Variants in ESPNL observed in about 807,000 individuals in gnomAD.
The protein encoded by ESPNL is espin-like protein.
In ESPNL, 49 loss-of-function variants were observed where a neutral mutation model predicts 46.8. The ratio of observed to expected loss-of-function variants is 1.05; its 90% CI spans 0.83 to 1.33. The LOEUF (loss-of-function observed/expected upper bound fraction) is 1.33. Among genes scored for constraint, ESPNL ranks in the 40% most tolerant of loss-of-function variants. ESPNL has a pLI of 0.00. For synonymous variants in ESPNL, 664 were observed against 662.1 expected (o/e 1.00, Z -0.04); for missense variants, 1,540 against 1,436.6 (o/e 1.07, Z -1.16).
chr2:238,102,490 C>A (rs1158102734), intron 2 of ESPNL, among the ~76,000 whole-genome samples: 5 of 152,166 alleles, frequency 3.3e-5, no homozygotes, highest in Admixed American at 1.3e-4. Context: ...CAGCTGGCAA[C>A]CTGTGAGGGC....
At position 238,107,953 on chromosome 2, in the gene ESPNL, G is replaced by A; in HGVS notation, c.835G>A (p.Ala279Thr). 1 of 1,612,494 alleles carries A rather than the reference G, an allele frequency of 6.2e-7. No individual in the cohort carries two copies. The highest frequency in any genetic ancestry group is 1.3e-5 in the African/African-American group (1 of 75,062). The change falls in exon 4 of 9, where the codon GCA (alanine) becomes ACA (threonine). Residue 279 changes from alanine to threonine, a missense_variant. Transcript: ENST00000343063. Reference sequence around the variant, plus strand: ...GGGTGGGACCCCCCTCCACGACGCAGCAGAGAACGGGCAGATGGAGGTAAG... The same window carrying A: ...GGGTGGGACCCCCCTCCACGACGCAACAGAGAACGGGCAGATGGAGGTAAG... ...SWGGTPLHDAAENGQMECCQT... is the reference protein window; with the variant it reads ...SWGGTPLHDATENGQMECCQT...
At chr2:238,116,687 A>G (rs1421473240) in intron 4 of ESPNL, among the ~76,000 whole-genome samples, 2 of 152,148 alleles carry the variant, frequency 1.3e-5, no homozygotes, top group Non-Finnish European at 2.9e-5. Context: ...AGTGCCTGGT[A>G]CTGTCTGGGC....
chr2:238,123,910 G>A lies in ESPNL; in HGVS notation c.988-1360G>A, dbSNP rs571567982. ...TGAGGGTCCTGGAGGGGAGGTGGCC[G>A]AGGGGCCACCCAGCATCCTTGCTGG... is the stretch of plus-strand genomic sequence containing the variant. On this transcript the variant is annotated intron_variant, in intron 5 of 8. Transcript: ENST00000343063. Among the ~76,000 whole-genome samples, 710 of 152,232 alleles carry A rather than the reference G, an allele frequency of 4.7e-3. 9 individuals carry two copies. Among genetic ancestry groups the A allele is most frequent in the Non-Finnish European group, 6.0e-3 (405 of 67,984 alleles).
intron 2 of ESPNL, among the ~76,000 whole-genome samples, chr2:238,103,858 G>A (rs1691538633): frequency 6.6e-6 from 1 of 152,178 alleles, no homozygotes; most frequent in Non-Finnish European, 1.5e-5. Context: ...TGTCCCCCTT[G>A]CTAGGAGCAG....
intron 6 of ESPNL, among the ~76,000 whole-genome samples, chr2:238,125,960 T>C (rs1257265239): frequency 6.6e-6 from 1 of 151,956 alleles, no homozygotes; most frequent in Non-Finnish European, 1.5e-5. Flanking sequence ...CGGGGACCCT[T>C]CTCTGTGTGT....
chr2:238,117,188 A>G (rs2106470518), intron 5 of ESPNL, among the ~76,000 whole-genome samples, 154 bp downstream of exon 5: 1 of 152,336 alleles, frequency 6.6e-6, no homozygotes, highest in Admixed American at 6.5e-5. Context: ...GGGCCTGGGC[A>G]GGACTGAGGC....
chr2:238,123,774 G>A (rs73100324), intron 5 of ESPNL, among the ~76,000 whole-genome samples: 2,409 of 152,316 alleles, frequency 0.016, 61 homozygotes, highest in African/African-American at 0.054. Flanking sequence ...CCAGCCCACC[G>A]CGCACCAGGG....
intron 5 of ESPNL, among the ~76,000 whole-genome samples, chr2:238,118,837 G>GAAA (rs1490237925): frequency 4.2e-4 from 54 of 129,056 alleles, no homozygotes; most frequent in African/African-American, 7.5e-4. Context: ...ATGGAGGAGG[G>GAAA]TGGAAGGAAG....
intron 3 of ESPNL, among the ~76,000 whole-genome samples, chr2:238,105,061 TC>T (rs1303514806): frequency 6.6e-6 from 1 of 151,816 alleles, no homozygotes; most frequent in Non-Finnish European, 1.5e-5. Context: ...CTCTGTGGGG[TC>T]GTGCCACGGC....
Position 238,104,742 on chromosome 2 carries a change from T to C in ESPNL, c.572T>C (p.Val191Ala), listed in dbSNP as rs745587704. 10 of 1,608,350 alleles carry C rather than the reference T, an allele frequency of 6.2e-6. No homozygotes were observed. The East Asian group carries it at 2.2e-4, about 36-fold the overall frequency. The change falls in exon 3 of 9, where the codon GTG (valine) becomes GCG (alanine). Residue 191 changes from valine (V) to alanine (A), a missense_variant. Physicochemically the swap from Val to Ala is moderately conservative, Grantham distance 64 (BLOSUM62 0). Transcript: ENST00000343063. ...CACCTGCACCTGGCCCAGTTCCTGGTGAAGGACTGTGGCGCTGACGTGCAC... is the reference window on the plus strand; with the variant it reads ...CACCTGCACCTGGCCCAGTTCCTGGCGAAGGACTGTGGCGCTGACGTGCAC... ...EGHLHLAQFL[V>A]KDCGADVHLR...
At position 238,130,309 on chromosome 2, in the gene ESPNL, G is replaced by T. The variant is rs145050018; in HGVS notation, c.1595G>T (p.Arg532Leu). 2 of 1,606,640 alleles carry T rather than the reference G, an allele frequency of 1.2e-6. No homozygotes were observed. Among genetic ancestry groups the T allele is most frequent in the Non-Finnish European group, 1.7e-6 (2 of 1,177,164 alleles). ...CAGGAGTATGAGAGTGAGCTGGGCCGGTTGGCGGCTGAGCTGCAGGCCCTG... is the reference window on the plus strand; with the variant it reads ...CAGGAGTATGAGAGTGAGCTGGGCCTGTTGGCGGCTGAGCTGCAGGCCCTG... ...RCQEYESELG[R>L]LAAELQALLP... The change falls in exon 9 of 9, where the codon CGG becomes CTG. Residue 532 changes from arginine to leucine, a missense_variant. Arg to Leu is a moderately radical substitution (Grantham distance 102). Transcript: ENST00000343063.
chr2:238,101,363 G>A (rs114735717), intron 1 of ESPNL, among the ~76,000 whole-genome samples: 3 of 152,302 alleles, frequency 2.0e-5, no homozygotes, highest in South Asian at 2.1e-4. Context: ...CACCTGGCTC[G>A]CCAGAGCACC....
intron 5 of ESPNL, among the ~76,000 whole-genome samples, chr2:238,117,816 G>T (rs1166748735): frequency 6.6e-6 from 1 of 152,196 alleles, no homozygotes; most frequent in Non-Finnish European, 1.5e-5. Context: ...AGACAGAGGA[G>T]GAATGAATGG....
chr2:238,123,960 A>G (rs1372506133), intron 5 of ESPNL, among the ~76,000 whole-genome samples: 1 of 152,172 alleles, frequency 6.6e-6, no homozygotes, highest in Non-Finnish European at 1.5e-5. Context: ...CACCTTGTCC[A>G]TGAGCAAGGG....
chr2:238,105,920 C>T (rs1691586584), intron 3 of ESPNL, among the ~76,000 whole-genome samples: 1 of 152,162 alleles, frequency 6.6e-6, no homozygotes, highest in African/African-American at 2.4e-5. Context: ...TCCAGCAAGC[C>T]AGGCTGGCTC....
rs73102306 is a variant in ESPNL, at chr2:238,131,138, G to A, written c.2424G>A (p.Leu808=). The stretch of plus-strand genomic sequence containing the variant: ...AGCGCAGCACCATCACCCACCTGCT[G>A]GGCAACTGGAAGGCCATCATGGCTC... ...WQQRSTITHL[L]GNWKAIMAHV... is the part of the protein sequence containing the mutation. The change falls in exon 9 of 9, where the codon CTG becomes CTA. Residue 808 remains leucine (L), a synonymous_variant. Coordinates refer to ENST00000343063, the MANE Select transcript of ESPNL (RefSeq NM_194312.4). The A allele has an allele frequency of 0.09, 139,346 of 1,546,056 alleles. 6,785 individuals carry two copies. Among genetic ancestry groups the A allele is most frequent in the South Asian group, 0.14 (11,365 of 84,170 alleles).
At chr2:238,129,794 G>A (rs1692241009) in intron 8 of ESPNL, among the ~76,000 whole-genome samples, 1 of 152,272 alleles carries the variant, frequency 6.6e-6, no homozygotes, top group Non-Finnish European at 1.5e-5. Flanking sequence ...CCAGCCACCT[G>A]TCGTTTCTGT....
chr2:238,125,966 T>A (rs1346247020), intron 6 of ESPNL, among the ~76,000 whole-genome samples: 1 of 151,878 alleles, frequency 6.6e-6, no homozygotes, highest in East Asian at 1.9e-4. Context: ...CCCTTCTCTG[T>A]GTGTGATTGT....
chr2:238,126,923 G>GTGTGTCTGTGAT (rs1239582677), intron 6 of ESPNL, among the ~76,000 whole-genome samples: 2 of 118,664 alleles, frequency 1.7e-5, no homozygotes, highest in Non-Finnish European at 3.4e-5. Flanking sequence ...GATCGTGTCT[G>GTGTGTCTGTGAT]TGTGTCTGTG....
Sources: allele counts gnomAD v4.1 joint callset (sites outside exome capture counted in the v4.1 genomes callset), GRCh38; gene constraint gnomAD v4.1.1; transcripts MANE v1.5; gene names NCBI Gene and HGNC (gene_info 2026-07-23, HGNC 2026-07-21).